The following TMEM242 variants were observed in gnomAD, a reference collection of about 807,000 sequenced individuals.
TMEM242 encodes the protein transmembrane protein 242, also known as UPF0463 transmembrane protein C6orf35.
A neutral mutation model predicts 18.2 loss-of-function variants in TMEM242; 10 were observed. The ratio of observed to expected loss-of-function variants is 0.55; its 90% CI spans 0.34 to 0.93. The LOEUF is 0.93. Ranked by LOEUF, TMEM242 falls within the 40% of genes least tolerant of loss-of-function variation. The pLI is 0.02. For synonymous variants in TMEM242, 57 were observed against 69.9 expected (o/e 0.81, Z 0.92); for missense variants, 186 against 175.5 (o/e 1.06, Z -0.34).
Position 157,305,598 on chromosome 6 carries a change from G to A in TMEM242, c.328-12599C>T, listed in dbSNP as rs895045253. On this transcript the variant is annotated intron_variant, in intron 3 of 3. Coordinates refer to ENST00000400788, the MANE Select transcript of TMEM242 (RefSeq NM_018452.6). The surrounding 1 kb of genome is among the most constrained non-coding windows in gnomAD (Gnocchi z 4.1). ...GCAGGGACTGGACGAAAGAGCCAAG[G>A]GGCGGAGGATAGATGGAGGACAGAA... Among the ~76,000 whole-genome samples, 21 of 152,224 alleles carry A rather than the reference G, an allele frequency of 1.4e-4. No individual in the cohort carries two copies. Among genetic ancestry groups the A allele is most frequent in the African/African-American group, 4.8e-4 (20 of 41,448 alleles).
chr6:157,314,381 T>C (rs1242591747), intron 3 of TMEM242, among the ~76,000 whole-genome samples: 9 of 126 alleles, frequency 0.071, no homozygotes, highest in African/African-American at 0.24. Flanking sequence ...CCCATGATCA[T>C]GTACACAGCT....
rs1778188144 is a variant in TMEM242 at position 157,312,451 on chromosome 6, A to C, written c.327+6331T>G. Among the ~76,000 whole-genome samples, 3 of 145,484 alleles carry C rather than the reference A, an allele frequency of 2.1e-5. 1 individual carries two copies. The highest frequency in any genetic ancestry group is 4.5e-5 in the Non-Finnish European group (3 of 66,164). ...TCACAGTGTGCACTCACCGAGCCTCATAGTGCCCCAGCGTGCACTCACCTA... is the reference window on the plus strand; with the variant it reads ...TCACAGTGTGCACTCACCGAGCCTCCTAGTGCCCCAGCGTGCACTCACCTA... On this transcript the variant is annotated intron_variant, in intron 3 of 3. Coordinates refer to ENST00000400788, the MANE Select transcript of TMEM242 (RefSeq NM_018452.6).
At chr6:157,320,054 CTAAG>C (rs1778468034) in intron 2 of TMEM242, among the ~76,000 whole-genome samples, 1 of 152,210 alleles carries the variant, frequency 6.6e-6, no homozygotes, top group South Asian at 2.1e-4. Context: ...AGTGCACTGA[CTAAG>C]TGAGATTCTT....
intron 3 of TMEM242, among the ~76,000 whole-genome samples, chr6:157,312,360 C>T (rs587687073): frequency 1.0e-4 from 9 of 90,268 alleles, no homozygotes; most frequent in Admixed American, 4.6e-4. Context: ...TCATCATGTC[C>T]CAGTGTGCAC....
intron 3 of TMEM242, among the ~76,000 whole-genome samples, chr6:157,316,351 T>C (rs1778390319): frequency 6.6e-6 from 1 of 152,190 alleles, no homozygotes; most frequent in Non-Finnish European, 1.5e-5. Context: ...ATTTATAAAA[T>C]GGGGGATATT....
At position 157,289,700 on chromosome 6, in the gene TMEM242, C is replaced by T. The variant is rs1554246738; in HGVS notation, c.*3201G>A. On this transcript the variant is annotated 3_prime_UTR_variant, in exon 4 of 4. Transcript: ENST00000400788. ...CCCCATGGGCTCCCCGTCCCCCCAC[C>T]CCCACCTTAATTTCTTCTATTTTCC... 6.6e-6 allele frequency: 1 copy of T among 151,360 alleles called. No homozygotes were observed. The highest frequency in any genetic ancestry group is 1.9e-4 in the East Asian group (1 of 5,144). 9.4% of individuals were successfully genotyped at this position (151,360 alleles called of 1,614,324 possible). A position where few individuals can be genotyped will look rare whatever the true frequency, so the allele number is the denominator to read the frequency against.
rs1258887789 is a variant in TMEM242, at chr6:157,318,926, T to C, written c.190-7A>G. 3 of 1,591,670 alleles carry C rather than the reference T, an allele frequency of 1.9e-6. No individual in the cohort carries two copies. Among genetic ancestry groups the C allele is most frequent in the East Asian group, 2.2e-5 (1 of 44,552 alleles). On this transcript the variant is annotated splice_region_variant and splice_polypyrimidine_tract_variant and intron_variant, in intron 2 of 3. Coordinates refer to ENST00000400788, the MANE Select transcript of TMEM242 (RefSeq NM_018452.6). The stretch of plus-strand genomic sequence containing the variant: ...CAGCCGTGGCCATACTTCCCTGAAA[T>C]GAAACAGAAAAGTTGAGGTAAAAAC...
In TMEM242 at chr6:157,290,828, A is replaced by G. The variant is rs1409460494; in HGVS notation, c.*2073T>C. 1 of 151,992 alleles carries G rather than the reference A, an allele frequency of 6.6e-6. No individual in the cohort carries two copies. The highest frequency in any genetic ancestry group is 1.9e-4 in the East Asian group (1 of 5,194). 9.4% of individuals were successfully genotyped at this position (151,992 alleles called of 1,614,324 possible). On this transcript the variant is annotated 3_prime_UTR_variant, in exon 4 of 4. Coordinates refer to ENST00000400788, the MANE Select transcript of TMEM242 (RefSeq NM_018452.6). ...CCTGCCAGCCTCCCCTCTGCAGGGGATTCATCATCATTCTAATGGGAGTTC... is the reference window on the plus strand; with the variant it reads ...CCTGCCAGCCTCCCCTCTGCAGGGGGTTCATCATCATTCTAATGGGAGTTC...
intron 3 of TMEM242, among the ~76,000 whole-genome samples, chr6:157,316,644 G>A (rs1191798575): frequency 6.6e-6 from 1 of 152,150 alleles, no homozygotes; most frequent in East Asian, 1.9e-4. Context: ...GGGAGGCTGA[G>A]GCAGAAGATC....
At chr6:157,307,484 C>A (rs1777930885) in intron 3 of TMEM242, among the ~76,000 whole-genome samples, 2 of 152,172 alleles carry the variant, frequency 1.3e-5, no homozygotes, top group Non-Finnish European at 2.9e-5. Flanking sequence ...GATTCCCCTG[C>A]TTGACTTTTT....
At chr6:157,298,649 T>A (rs1184991254) in intron 3 of TMEM242, among the ~76,000 whole-genome samples, 1 of 152,256 alleles carries the variant, frequency 6.6e-6, no homozygotes, top group Non-Finnish European at 1.5e-5. Context: ...ATTTTTACAT[T>A]GTAGAGGAAG....
At chr6:157,313,928 C>T (rs1362042827) in intron 3 of TMEM242, among the ~76,000 whole-genome samples, 3 of 37,570 alleles carry the variant, frequency 8.0e-5, no homozygotes, top group Non-Finnish European at 1.1e-4. Flanking sequence ...TCCCAGTGTG[C>T]GCTCACCTGG....
At chr6:157,312,859 A>T (rs1554249456) in intron 3 of TMEM242, among the ~76,000 whole-genome samples, 2 of 151,282 alleles carry the variant, frequency 1.3e-5, no homozygotes, top group African/African-American at 2.4e-5. Flanking sequence ...TGGCCTCATC[A>T]TAGTGTCCCA....
chr6:157,320,462 T>G (rs924934735), intron 2 of TMEM242, among the ~76,000 whole-genome samples: 5 of 152,154 alleles, frequency 3.3e-5, no homozygotes, highest in Non-Finnish European at 7.3e-5. Context: ...TACATTTTTG[T>G]TAGTCTTTTA....
At chr6:157,312,974 G>A (rs1554249544) in intron 3 of TMEM242, among the ~76,000 whole-genome samples, 1 of 78,792 alleles carries the variant, frequency 1.3e-5, no homozygotes. Context: ...GTGCCTCAGT[G>A]TGCGCTCACC....
At chr6:157,313,481 G>T (rs868983103) in intron 3 of TMEM242, among the ~76,000 whole-genome samples, 11 of 149,786 alleles carry the variant, frequency 7.3e-5, no homozygotes, top group South Asian at 4.2e-4. Flanking sequence ...TAGTGCCCCA[G>T]TGTGCACTCA....
chr6:157,312,352 A>ATCAGTGCCACAGTGTGCACTCACCTAGCG (rs1778174295), intron 3 of TMEM242, among the ~76,000 whole-genome samples: 1 of 138,746 alleles, frequency 7.2e-6, no homozygotes, highest in African/African-American at 2.8e-5. Flanking sequence ...ACCTAGCCTC[A>ATCAGTGCCACAGTGTGCACTCACCTAGCG]TCATGTCCCA....
chr6:157,311,258 A>G (rs1304955699), intron 3 of TMEM242, among the ~76,000 whole-genome samples: 108 of 92,534 alleles, frequency 1.2e-3, no homozygotes, highest in African/African-American at 4.5e-3. Flanking sequence ...GCGCTCACCT[A>G]GCCTCATCAT....
intron 3 of TMEM242, among the ~76,000 whole-genome samples, chr6:157,304,480 AAAAAAAAAAAAGAG>A (rs1197231148): frequency 6.4e-5 from 8 of 124,716 alleles, no homozygotes; most frequent in South Asian, 3.3e-4. Context: ...AAAAAAAAAA[AAAAAAAAAAAAGAG>A]AGAGAGAGAG....
Sources: gnomAD v4.1 joint callset for allele counts (sites outside exome capture counted in the v4.1 genomes callset) on GRCh38, gnomAD v4.1.1 for gene constraint, Gnocchi (gnomAD v3.1) non-coding constraint, MANE v1.5 for transcripts, NCBI Gene and HGNC (gene_info 2026-07-23, HGNC 2026-07-21) for gene names.